MCMDC2: variants seen among roughly 807,000 people sequenced by gnomAD.
MCMDC2 encodes the protein minichromosome maintenance domain-containing protein 2.
In MCMDC2, 54 loss-of-function variants were observed where a neutral mutation model predicts 75.8. The ratio of observed to expected loss-of-function variants is 0.71; its 90% confidence interval spans 0.57 to 0.89. MCMDC2 has a LOEUF of 0.89. Among genes scored for constraint, MCMDC2 ranks in the 40% least tolerant of loss-of-function variants. The pLI is 0.00. For missense variants in MCMDC2, 656 were observed against 780.4 expected, an observed-to-expected ratio of 0.84 and a Z score of 1.90; for synonymous variants, 249 against 274.6, an observed-to-expected ratio of 0.91 and a Z score of 0.92.
chr8:66,907,835 C>CT (rs1812965839), intron 14 of MCMDC2, among the ~76,000 whole-genome samples: 1 of 152,066 alleles, frequency 6.6e-6, no homozygotes, highest in Admixed American at 6.6e-5. Flanking sequence ...TGATGATGAG[C>CT]TTTTTTTCAT....
At chr8:66,906,734 CT>C (rs1315269943) in intron 14 of MCMDC2, among the ~76,000 whole-genome samples, 1 of 151,310 alleles carries the variant, frequency 6.6e-6, no homozygotes, top group Admixed American at 6.6e-5. Flanking sequence ...TTTGCTTTAT[CT>C]TTTTTTAATT....
At position 66,871,332 on chromosome 8, in the gene MCMDC2, A is replaced by G. The variant is rs182489884; in HGVS notation, c.-89+501A>G. On this transcript the variant is annotated intron_variant, in intron 1 of 14. Transcript: ENST00000422365. Reference sequence around the variant, plus strand: ...CAAGGGAACTTTTCCTCATGTCCTTAACACTTCTCCTTGGGCTCTGTATTT... The same window carrying G: ...CAAGGGAACTTTTCCTCATGTCCTTGACACTTCTCCTTGGGCTCTGTATTT... Among the ~76,000 whole-genome samples, 117 of 152,096 alleles carry G rather than the reference A, an allele frequency of 7.7e-4. 1 individual carries two copies. The highest frequency in any genetic ancestry group is 2.2e-3 in the Admixed American group (34 of 15,256).
downstream of MCMDC2, chr8:66,922,095 CA>C (rs1217541814): frequency 1.3e-5 from 2 of 152,594 alleles, no homozygotes; most frequent in Non-Finnish European, 2.9e-5. Flanking sequence ...ATTTTCCTTC[CA>C]AAATGCTGCA....
At chr8:66,878,719 A>G (rs749175943) in intron 6 of MCMDC2, 23 bp downstream of exon 6, 1 of 1,526,254 alleles carries the variant, frequency 6.6e-7, no homozygotes, top group Non-Finnish European at 8.8e-7. Flanking sequence ...TATATTTTGT[A>G]ATTATAATTT....
intron 9 of MCMDC2, among the ~76,000 whole-genome samples, chr8:66,886,570 T>G (rs530015653): frequency 6.9e-4 from 105 of 152,144 alleles, no homozygotes; most frequent in African/African-American, 2.3e-3. Context: ...GTCAGGAATT[T>G]GAGACCAACC....
At chr8:66,904,291 G>T (rs914310038) in intron 13 of MCMDC2, among the ~76,000 whole-genome samples, 11 of 152,228 alleles carry the variant, frequency 7.2e-5, no homozygotes, top group Admixed American at 3.3e-4. Context: ...AAAGGAACTA[G>T]AAATATTTAA....
At chr8:66,891,425 C>T (rs1390519451) in intron 10 of MCMDC2, among the ~76,000 whole-genome samples, 5 of 152,178 alleles carry the variant, frequency 3.3e-5, no homozygotes, top group Non-Finnish European at 7.3e-5. Flanking sequence ...AAGTTTCTCA[C>T]CATTAAGTAT....
chr8:66,903,267 T>C (rs1382912351), intron 13 of MCMDC2, among the ~76,000 whole-genome samples: 8 of 152,358 alleles, frequency 5.3e-5, no homozygotes, highest in Non-Finnish European at 4.4e-5. Flanking sequence ...TAGCATTTTT[T>C]CAGCTCTATG....
intron 14 of MCMDC2, among the ~76,000 whole-genome samples, chr8:66,909,082 G>T (rs555135624): frequency 6.6e-6 from 1 of 152,164 alleles, no homozygotes; most frequent in African/African-American, 2.4e-5. Flanking sequence ...ATGATAGTGA[G>T]TGAGTTCTCA....
At chr8:66,906,200 C>G (rs749847557) in intron 14 of MCMDC2, among the ~76,000 whole-genome samples, 4 of 152,066 alleles carry the variant, frequency 2.6e-5, no homozygotes, top group Non-Finnish European at 5.9e-5. Context: ...TCCCAAAGTT[C>G]TTGGTTGAAT....
intron 9 of MCMDC2, among the ~76,000 whole-genome samples, chr8:66,890,509 TC>T (rs1193077026): frequency 1.3e-5 from 2 of 152,148 alleles, no homozygotes; most frequent in African/African-American, 4.8e-5. Context: ...CAAGTTAAGG[TC>T]CAAGTCTCGT....
At chr8:66,884,142 AC>A in intron 9 of MCMDC2, 148 bp downstream of exon 9, 1 of 603,458 alleles carries the variant, frequency 1.7e-6, no homozygotes, top group Non-Finnish European at 2.9e-6. Context: ...AAAATTCAAA[AC>A]CTTTGAAAGA....
At chr8:66,924,914 C>T (rs1040471250), downstream of MCMDC2, among the ~76,000 whole-genome samples, 2 of 152,160 alleles carry the variant, frequency 1.3e-5, no homozygotes, top group African/African-American at 4.8e-5. Flanking sequence ...CAGTAAACTG[C>T]GCTCATTACA....
chr8:66,906,133 T>C (rs1187184919), intron 14 of MCMDC2, among the ~76,000 whole-genome samples: 1 of 152,212 alleles, frequency 6.6e-6, no homozygotes, highest in East Asian at 1.9e-4. Context: ...CTTATTATGC[T>C]TTTGCTAATA....
chr8:66,871,628 A>T (rs1811021986), intron 1 of MCMDC2: 1 of 152,124 alleles, frequency 6.6e-6, no homozygotes, highest in African/African-American at 2.4e-5. Flanking sequence ...CCAAAATAAA[A>T]ATCTGACTAT....
At chr8:66,900,500 G>C (rs1172194169) in intron 12 of MCMDC2, among the ~76,000 whole-genome samples, 1 of 151,860 alleles carries the variant, frequency 6.6e-6, no homozygotes, top group Non-Finnish European at 1.5e-5. Context: ...TCCAGGTGTA[G>C]GTAGTGTCAG....
chr8:66,914,771 A>T (rs1813240383), intron 14 of MCMDC2, among the ~76,000 whole-genome samples: 1 of 152,220 alleles, frequency 6.6e-6, no homozygotes, highest in Non-Finnish European at 1.5e-5. Context: ...TTAGATGATA[A>T]TGAGAGATTC....
At chr8:66,923,857 C>T (rs1245107823), downstream of MCMDC2, among the ~76,000 whole-genome samples, 1 of 152,024 alleles carries the variant, frequency 6.6e-6, no homozygotes, top group Non-Finnish European at 1.5e-5. Context: ...CACTGCACTC[C>T]AGCCTGCACG....
At chr8:66,922,453 A>C (rs763506934), downstream of MCMDC2, 10 of 514,592 alleles carry the variant, frequency 1.9e-5, no homozygotes, top group South Asian at 1.4e-4. Flanking sequence ...GTCAGTAATT[A>C]ATCAATGTAC....
Sources: allele counts gnomAD v4.1 joint callset (sites outside exome capture counted in the v4.1 genomes callset), GRCh38; gene constraint gnomAD v4.1.1; transcripts MANE v1.5; gene names NCBI Gene and HGNC (gene_info 2026-07-23, HGNC 2026-07-21).